Variants in ZNF780A observed in about 807,000 individuals in gnomAD.
The protein encoded by ZNF780A is zinc finger protein 780A.
Under a neutral mutation model 56.7 loss-of-function variants are expected in ZNF780A, and 40 were observed. That is an observed-to-expected ratio of 0.71 (90% confidence interval 0.55 to 0.92). The LOEUF (loss-of-function observed/expected upper bound fraction) is 0.92. ZNF780A is among the 40% of genes least tolerant of loss of function. ZNF780A has a pLI of 0.00. For synonymous variants in ZNF780A, 231 were observed against 248.3 expected (o/e 0.93, Z 0.66); for missense variants, 672 against 783.3 (o/e 0.86, Z 1.70).
In ZNF780A at chr19:40,084,161, G is replaced by A. The variant is rs568379719; in HGVS notation, c.9+584C>T. Among the ~76,000 whole-genome samples, 319 of 151,724 alleles carry A rather than the reference G, an allele frequency of 2.1e-3. 1 individual carries two copies. Among genetic ancestry groups the A allele is most frequent in the Middle Eastern group, 3.4e-3 (1 of 294 alleles). Reference sequence around the variant, plus strand: ...CCTCAAGTGATCCACCACCCACCTCGGCCTCCCAAAGTGCTGGGATTGCAC... The same window carrying A: ...CCTCAAGTGATCCACCACCCACCTCAGCCTCCCAAAGTGCTGGGATTGCAC... On this transcript the variant is annotated intron_variant, in intron 3 of 5. Transcript: ENST00000683561.
chr19:40,082,241 T>C (rs1974524653), intron 4 of ZNF780A, among the ~76,000 whole-genome samples: 1 of 152,164 alleles, frequency 6.6e-6, no homozygotes, highest in Admixed American at 6.5e-5. Context: ...ACTTAAACTC[T>C]GTCCTTCAGT....
At chr19:40,084,700 T>C (rs1444282712) in intron 3 of ZNF780A, 45 bp downstream of exon 3, 21 of 1,539,458 alleles carry the variant, frequency 1.4e-5, no homozygotes, top group East Asian at 1.2e-4. Context: ...TCACCTAACC[T>C]GAAAGTCACC....
downstream of ZNF780A, chr19:40,069,895 C>T (rs2144887779): frequency 6.6e-6 from 1 of 152,158 alleles, no homozygotes; most frequent in African/African-American, 2.4e-5. Context: ...AAGCCAGACA[C>T]TTTTGGAAGG....
chr19:40,082,979 C>T (rs1974566397), intron 4 of ZNF780A, 132 bp downstream of exon 4: 3 of 1,476,176 alleles, frequency 2.0e-6, no homozygotes, highest in East Asian at 4.7e-5. Flanking sequence ...CCCAACAAAT[C>T]CCAATCCATT....
At chr19:40,084,947 A>G in intron 2 of ZNF780A, 149 bp from the exon 3 acceptor site, 1 of 1,099,040 alleles carries the variant, frequency 9.1e-7, no homozygotes, top group Non-Finnish European at 1.3e-6. Context: ...CCCCACACAC[A>G]CTCTCTCACA....
chr19:40,084,849 G>A, intron 2 of ZNF780A, 51 bp from the exon 3 acceptor site: 1 of 1,537,646 alleles, frequency 6.5e-7, no homozygotes, highest in Non-Finnish European at 8.8e-7. Flanking sequence ...TGTCTCAAAA[G>A]CAAATAACTA....
Position 40,083,114 on chromosome 19 carries a change from G to A in ZNF780A, c.133C>T (p.Leu45=). 1 of 1,614,218 alleles carries A rather than the reference G, an allele frequency of 6.2e-7. No individual in the cohort carries two copies. The highest frequency in any genetic ancestry group is 8.5e-7 in the Non-Finnish European group (1 of 1,180,046). The change falls in exon 4 of 6, where the codon CTG becomes TTG. Residue 45 remains leucine, a synonymous_variant. Transcript: ENST00000683561. Reference sequence around the variant, plus strand: ...AGCTGGGACTCAACGACCTTACCCAGTGAGATCAGGTGGCTGTAGTTCTCC... The same window carrying A: ...AGCTGGGACTCAACGACCTTACCCAATGAGATCAGGTGGCTGTAGTTCTCC... ...MLENYSHLIS[L]GSSISKPDVI...
At position 40,075,419 on chromosome 19, in the gene ZNF780A, C is replaced by G. The variant is rs372867563; in HGVS notation, c.1023G>C (p.Ala341=). The G allele has an allele frequency of 6.2e-6, 10 of 1,613,418 alleles. No homozygotes were observed. The highest frequency in any genetic ancestry group is 2.2e-5 in the East Asian group (1 of 44,780). The part of the protein sequence containing the change: ...KPFECKECGK[A]FTLLTKLVRH... ...GAACAAGCTTTGTCAGAAGAGTAAA[C>G]GCCTTTCCACATTCTTTACATTCAA... Residue 341 remains alanine, a synonymous_variant, in exon 6 of 6, where the codon GCG becomes GCC. Coordinates refer to ENST00000683561, the MANE Select transcript of ZNF780A (RefSeq NM_001142578.2).
Position 40,073,927 on chromosome 19 carries a change from C to T in ZNF780A, c.*589G>A, listed in dbSNP as rs1339222368. The T allele has an allele frequency of 6.6e-5, 68 of 1,029,614 alleles. No individual in the cohort carries two copies. Among genetic ancestry groups the T allele is most frequent in the Non-Finnish European group, 7.7e-5 (66 of 855,014 alleles). 63.8% of individuals were successfully genotyped at this position (1,029,614 alleles called of 1,614,324 possible). On this transcript the variant is annotated 3_prime_UTR_variant, in exon 6 of 6. Coordinates refer to ENST00000683561, the MANE Select transcript of ZNF780A (RefSeq NM_001142578.2). The stretch of plus-strand genomic sequence containing the variant: ...AGCAAATGCTTTCCCATATTCCTTA[C>T]ATTATAGCGTTTCTCACCAGTATGA...
At chr19:40,083,311 G>C in intron 3 of ZNF780A, 74 bp from the exon 4 acceptor site, 1 of 1,589,658 alleles carries the variant, frequency 6.3e-7, no homozygotes, top group Non-Finnish European at 8.6e-7. Flanking sequence ...GGAAGTGAAG[G>C]AGTGTAGTGT....
intron 5 of ZNF780A, among the ~76,000 whole-genome samples, chr19:40,076,575 C>T (rs1974145782): frequency 6.6e-6 from 1 of 152,212 alleles, no homozygotes; most frequent in African/African-American, 2.4e-5. Context: ...TCCAAATATA[C>T]TGGCATATAC....
chr19:40,070,469 T>A (rs1026157609), downstream of ZNF780A: 2 of 152,134 alleles, frequency 1.3e-5, no homozygotes, highest in African/African-American at 4.8e-5. Context: ...AATGTTAATA[T>A]CATAATAAAG....
At chr19:40,073,021 T>C, downstream of ZNF780A, 1 of 1,515,086 alleles carries the variant, frequency 6.6e-7, no homozygotes, top group African/African-American at 1.4e-5. Flanking sequence ...ATACTTTCCT[T>C]AACGGTAATT....
intron 5 of ZNF780A, among the ~76,000 whole-genome samples, chr19:40,077,878 A>G (rs1305826755): frequency 1.3e-5 from 2 of 151,460 alleles, no homozygotes; most frequent in Admixed American, 1.3e-4. Flanking sequence ...AACACAGGAA[A>G]TAACAAAAAA....
intron 5 of ZNF780A, among the ~76,000 whole-genome samples, chr19:40,077,814 C>T (rs1974229649): frequency 6.7e-6 from 1 of 149,158 alleles, no homozygotes; most frequent in African/African-American, 2.5e-5. Context: ...ACCATAGGTA[C>T]ATCTTTAGGA....
Position 40,075,580 on chromosome 19 carries a change from G to T in ZNF780A, c.862C>A (p.Arg288Ser), listed in dbSNP as rs751047796. 11 of 1,613,418 alleles carry T rather than the reference G, an allele frequency of 6.8e-6. No homozygotes were observed. In the South Asian group the frequency reaches 1.2e-4, roughly 18 times the overall value. Residue 288 changes from arginine to serine, a missense_variant, in exon 6 of 6, where the codon CGT becomes AGT. Coordinates refer to ENST00000683561, the MANE Select transcript of ZNF780A (RefSeq NM_001142578.2). ...TGATGCTGAATAAGGTGTGCACCAC[G>T]ATTAAAGCCTTTCCCACACTCCTTA... Reference protein sequence around the residue: ...ECKECGKGFNRGAHLIQHQKI... With the variant: ...ECKECGKGFNSGAHLIQHQKI...
chr19:40,081,782 A>G, intron 5 of ZNF780A, 37 bp downstream of exon 5: 1 of 1,551,654 alleles, frequency 6.4e-7, no homozygotes, highest in Non-Finnish European at 8.9e-7. Flanking sequence ...GTCCAGGACA[A>G]TGATGGCTTC....
downstream of ZNF780A, chr19:40,070,598 A>G (rs1457779744): frequency 6.6e-6 from 1 of 152,224 alleles, no homozygotes; most frequent in Non-Finnish European, 1.5e-5. Context: ...TTATAAGTGA[A>G]TTCAGTATGT....
intron 2 of ZNF780A, among the ~76,000 whole-genome samples, chr19:40,086,012 G>GTA (rs1974778929): frequency 6.6e-6 from 1 of 151,738 alleles, no homozygotes; most frequent in South Asian, 2.1e-4. Flanking sequence ...GTGTGTGTGT[G>GTA]TGTATGCATC....
Sources: allele counts gnomAD v4.1 joint callset (sites outside exome capture counted in the v4.1 genomes callset), GRCh38; gene constraint gnomAD v4.1.1; transcripts MANE v1.5; gene names NCBI Gene and HGNC (gene_info 2026-07-23, HGNC 2026-07-21).